The following PIAS4 variants were observed in gnomAD, a reference collection of about 807,000 sequenced individuals.
The protein encoded by PIAS4 is E3 SUMO-protein ligase PIAS4.
A neutral mutation model predicts 58.0 loss-of-function variants in PIAS4; 7 were observed. That is an observed-to-expected ratio of 0.12 (90% CI 0.07 to 0.23). PIAS4 has a LOEUF of 0.23. Among genes scored for constraint, PIAS4 ranks in the 10% least tolerant of loss-of-function variants. PIAS4 has a pLI of 1.00. For missense variants in PIAS4, 550 were observed against 709.5 expected, an observed-to-expected ratio of 0.78 and a Z score of 2.55; for synonymous variants, 364 against 312.4, an observed-to-expected ratio of 1.17 and a Z score of -1.74.
chr19:4,032,262 G>A (rs1299524152), intron 7 of PIAS4, among the ~76,000 whole-genome samples: 1 of 152,184 alleles, frequency 6.6e-6, no homozygotes, highest in Non-Finnish European at 1.5e-5. Context: ...TGGGCAGGTG[G>A]CTTCCTGGAG....
intron 3 of PIAS4, among the ~76,000 whole-genome samples, chr19:4,026,170 G>A (rs900606093): frequency 1.4e-5 from 2 of 140,432 alleles, no homozygotes; most frequent in Non-Finnish European, 3.0e-5. Context: ...AAGTCGCTCT[G>A]TCGCCAGGCT....
chr19:4,020,061 C>T (rs1216024989), intron 2 of PIAS4, among the ~76,000 whole-genome samples: 6 of 152,066 alleles, frequency 3.9e-5, no homozygotes, highest in South Asian at 2.1e-4. Context: ...GGACCACAGG[C>T]GCCTGCCACC....
In PIAS4 at chr19:4,028,251, C is replaced by A. The variant is rs1599227314; in HGVS notation, c.581+64C>A. 4 of 1,396,828 alleles carry A rather than the reference C, an allele frequency of 2.9e-6. No individual in the cohort carries two copies. In the East Asian group the frequency reaches 9.3e-5, roughly 32 times the overall value. 86.5% of individuals were successfully genotyped at this position (1,396,828 alleles called of 1,614,324 possible). A position where few individuals can be genotyped will look rare whatever the true frequency, so the allele number is the denominator to read the frequency against. On this transcript the variant is annotated intron_variant, in intron 4 of 10. Coordinates refer to ENST00000262971, the MANE Select transcript of PIAS4 (RefSeq NM_015897.4). ...CCAGCCACCCGCCCCTCCCCGCCCC[C>A]CAGTCCTGGCCCAGGCCCTTCTCAG...
At chr19:4,020,631 A>T (rs28615717) in intron 2 of PIAS4, among the ~76,000 whole-genome samples, 3,885 of 152,316 alleles carry the variant, frequency 0.026, 150 homozygotes, top group African/African-American at 0.088. Context: ...GTATCTAAAT[A>T]TATTTTTTAA....
rs770949260 is a variant in PIAS4 at position 4,028,808 on chromosome 19, C to A, written c.761C>A (p.Ala254Asp). The A allele has an allele frequency of 6.2e-7, 1 of 1,613,610 alleles. No individual in the cohort carries two copies. Among genetic ancestry groups the A allele is most frequent in the Non-Finnish European group, 8.5e-7 (1 of 1,179,932 alleles). Reference sequence around the variant, plus strand: ...ACCCACCTCATGTACCTGTCCTCGGCCACCAACCGCATCACTGTCACCTGG... The same window carrying A: ...ACCCACCTCATGTACCTGTCCTCGGACACCAACCGCATCACTGTCACCTGG... Reference protein sequence around the residue: ...NLTHLMYLSSATNRITVTWGN... With the variant: ...NLTHLMYLSSDTNRITVTWGN... The change falls in exon 6 of 11, where the codon GCC becomes GAC. Residue 254 changes from alanine (A) to aspartate (D), a missense_variant. Ala to Asp is a moderately radical substitution (Grantham distance 126). Around this residue, in one of 4 missense-constraint regions of PIAS4, gnomAD observed 225 missense variants for 345.8 expected, o/e 0.65. Transcript: ENST00000262971.
chr19:4,019,808 A>G (rs923606090), intron 2 of PIAS4, among the ~76,000 whole-genome samples: 3 of 152,146 alleles, frequency 2.0e-5, no homozygotes, highest in Non-Finnish European at 2.9e-5. Flanking sequence ...AGGGCCAGCC[A>G]CAGACCCGGC....
chr19:4,025,363 C>T (rs1293451427), intron 3 of PIAS4, among the ~76,000 whole-genome samples: 3 of 152,232 alleles, frequency 2.0e-5, no homozygotes, highest in East Asian at 1.9e-4. Context: ...TCAGTCTCTC[C>T]GAGGCTGTAC....
chr19:4,010,082 C>T (rs1475620868), intron 1 of PIAS4, among the ~76,000 whole-genome samples: 3 of 152,140 alleles, frequency 2.0e-5, no homozygotes, highest in East Asian at 1.9e-4. Flanking sequence ...TGGAAGCTGC[C>T]GGGGCCTGGC....
At position 4,013,384 on chromosome 19, in the gene PIAS4, G is replaced by T. The variant is rs1785530284; in HGVS notation, c.454+35G>T. On this transcript the variant is annotated intron_variant, in intron 2 of 10. Transcript: ENST00000262971. This position sits in a 1 kb window ranked among gnomAD's most constrained non-coding sequence, Gnocchi z 5.1. Reference sequence around the variant, plus strand: ...CACCCTGGGGAGGCTGCGACTGGAGGCTTCACCTAGGCCCCGTCGCCCAGC... The same window carrying T: ...CACCCTGGGGAGGCTGCGACTGGAGTCTTCACCTAGGCCCCGTCGCCCAGC... 1 of 1,568,586 alleles carries T rather than the reference G, an allele frequency of 6.4e-7. No individual in the cohort carries two copies. Among genetic ancestry groups the T allele is most frequent in the Non-Finnish European group, 8.7e-7 (1 of 1,147,452 alleles).
In PIAS4 at chr19:4,036,667, C is replaced by T. The variant is rs1482823179; in HGVS notation, c.1143-707C>T. Among the ~76,000 whole-genome samples the T allele has an allele frequency of 1.2e-3, 165 of 143,352 alleles. 20 individuals carry two copies. Among genetic ancestry groups the T allele is most frequent in the African/African-American group, 4.7e-3 (156 of 33,482 alleles). The allele number at this position is 143,352 out of a possible 152,430, so 94.0% of individuals were successfully genotyped here. On this transcript the variant is annotated intron_variant, in intron 9 of 10. Transcript: ENST00000262971. ...ACACTGTCATACACACACATCTATA[C>T]AGTCCACACCGTCACACATCCATAT...
chr19:4,033,184 G>A lies in PIAS4; in HGVS notation c.981+11G>A, dbSNP rs1224110900. The A allele has an allele frequency of 3.7e-6, 6 of 1,604,778 alleles. No individual in the cohort carries two copies. The highest frequency in any genetic ancestry group is 1.7e-4 in the Middle Eastern group (1 of 6,052). ...TCCCTCATCTGTCCGGTGAGTCGGG[G>A]CGCGGTCCCCTCCTCGAGGCCTCTC... On this transcript the variant is annotated intron_variant, in intron 8 of 10. Coordinates refer to ENST00000262971, the MANE Select transcript of PIAS4 (RefSeq NM_015897.4).
chr19:4,026,756 C>A (rs1293141006), intron 3 of PIAS4, among the ~76,000 whole-genome samples: 1 of 152,204 alleles, frequency 6.6e-6, no homozygotes, highest in Non-Finnish European at 1.5e-5. Flanking sequence ...GATCTCAGTT[C>A]ACTGCAATCT....
intron 2 of PIAS4, among the ~76,000 whole-genome samples, chr19:4,019,927 T>C (rs72976940): frequency 0.13 from 20,089 of 151,372 alleles, 1,715 homozygotes; most frequent in Non-Finnish European, 0.19. Flanking sequence ...TTTTTCTTTT[T>C]TTTTTTTTTG....
chr19:4,009,043 G>C (rs1237171716), intron 1 of PIAS4, among the ~76,000 whole-genome samples: 1 of 152,140 alleles, frequency 6.6e-6, no homozygotes, highest in African/African-American at 2.4e-5. Context: ...TCCAGGGGAT[G>C]TACCTTCTTG....
chr19:4,036,195 T>TCCACACTGTCATACACA (rs2040282367), intron 9 of PIAS4, among the ~76,000 whole-genome samples: 1 of 22,220 alleles, frequency 4.5e-5, no homozygotes, highest in Non-Finnish European at 1.2e-4. Context: ...GTCCACACCG[T>TCCACACTGTCATACACA]CACACATCCA....
intron 2 of PIAS4, among the ~76,000 whole-genome samples, chr19:4,021,537 A>G (rs776087282): frequency 2.0e-5 from 3 of 152,006 alleles, no homozygotes; most frequent in Non-Finnish European, 4.4e-5. Flanking sequence ...AGGATTTTAC[A>G]TCTGTGTTCA....
At chr19:4,034,797 C>T (rs568372359) in intron 9 of PIAS4, among the ~76,000 whole-genome samples, 9 of 152,232 alleles carry the variant, frequency 5.9e-5, no homozygotes, top group South Asian at 4.1e-4. Flanking sequence ...CCATGGGACT[C>T]GGTGTAGCCA....
intron 9 of PIAS4, among the ~76,000 whole-genome samples, chr19:4,035,012 T>G (rs1366522901): frequency 6.6e-6 from 1 of 152,050 alleles, no homozygotes; most frequent in Non-Finnish European, 1.5e-5. Context: ...TGTGTGTGTC[T>G]TGGGGAGGAG....
intron 2 of PIAS4, among the ~76,000 whole-genome samples, chr19:4,020,829 G>C (rs1301236531): frequency 6.6e-6 from 1 of 152,200 alleles, no homozygotes; most frequent in Non-Finnish European, 1.5e-5. Context: ...TCCAACTCCT[G>C]TGCTACAGCG....
Sources: allele counts gnomAD v4.1 joint callset (sites outside exome capture counted in the v4.1 genomes callset), GRCh38; gene constraint gnomAD v4.1.1; regional missense constraint gnomAD v4.1.1; non-coding constraint Gnocchi (gnomAD v3.1); transcripts MANE v1.5; gene names NCBI Gene and HGNC (gene_info 2026-07-23, HGNC 2026-07-21).